SNURF: variants seen among roughly 807,000 people sequenced by gnomAD.
SNURF encodes SNURF protein.
A neutral mutation model predicts 11.6 loss-of-function variants in SNURF; 6 were observed. That is an observed-to-expected ratio of 0.52 (90% confidence interval 0.28 to 1.02). SNURF has a LOEUF of 1.02. Ranked by LOEUF, SNURF falls within the 50% of genes least tolerant of loss-of-function variation. The probability of loss-of-function intolerance (pLI) is 0.09; values close to 1 mark genes in which losing one functional copy is unlikely to be tolerated. For synonymous variants in SNURF, 29 were observed against 31.6 expected (o/e 0.92, Z 0.27); for missense variants, 84 against 88.4 (o/e 0.95, Z 0.20).
At chr15:24,959,074 C>T (rs929613332) in intron 1 of SNURF, among the ~76,000 whole-genome samples, 9 of 152,128 alleles carry the variant, frequency 5.9e-5, no homozygotes, top group South Asian at 4.2e-4. Flanking sequence ...AAATTTAGGC[C>T]GTAATAAAAT....
At chr15:24,968,166 A>T in exon 3 of SNURF, 4 of 833,286 alleles carry the variant, frequency 4.8e-6, no homozygotes, top group South Asian at 4.4e-5. Context: ...TCAGTGACAC[A>T]TTAATTTTTT....
At chr15:24,974,769 G>A in intron 3 of SNURF, 1 of 616,802 alleles carries the variant, frequency 1.6e-6, no homozygotes, top group Non-Finnish European at 2.9e-6. Flanking sequence ...GTGTTGGCCA[G>A]GCTGGTCTCA....
downstream of SNURF, chr15:24,978,195 A>G: frequency 1.9e-6 from 3 of 1,613,718 alleles, no homozygotes; most frequent in South Asian, 1.1e-5. Flanking sequence ...CACTGTAGGC[A>G]TTATGGCTCC....
At position 24,977,748 on chromosome 15, in the gene SNURF, C is replaced by G. The variant is rs760905813; in HGVS notation, c.*463-30C>G. On this transcript the variant is annotated intron_variant and NMD_transcript_variant, in intron 6 of 6. Coordinates refer to the SNURF transcript ENST00000580062. The stretch of plus-strand genomic sequence containing the variant: ...TTGAATAATGTGAAGGTTTGCATCG[C>G]TTTGACTGTTTCCCGCCCTGCCTTC... The G allele has an allele frequency of 2.6e-6, 4 of 1,560,512 alleles. No individual in the cohort carries two copies. In the African/African-American group the frequency reaches 5.5e-5, roughly 21 times the overall value.
At chr15:24,965,136 A>G (rs976338547) in intron 2 of SNURF, among the ~76,000 whole-genome samples, 2 of 152,164 alleles carry the variant, frequency 1.3e-5, no homozygotes, top group Non-Finnish European at 2.9e-5. Flanking sequence ...AGAATGTTAT[A>G]CTAGAAGTGT....
chr15:24,976,092 C>T (rs776379346), intron 4 of SNURF, among the ~76,000 whole-genome samples: 2 of 152,272 alleles, frequency 1.3e-5, no homozygotes, highest in East Asian at 3.9e-4. Context: ...AAGGAACATT[C>T]TGTAAAAGAC....
intron 1 of SNURF, among the ~76,000 whole-genome samples, chr15:24,961,435 G>T (rs932902890): frequency 6.6e-6 from 1 of 152,212 alleles, no homozygotes; most frequent in Middle Eastern, 3.4e-3. Flanking sequence ...ATCTTTAAAG[G>T]TTCATAGGTG....
At chr15:24,978,228 A>G (rs1054674412), downstream of SNURF, 4 of 1,613,862 alleles carry the variant, frequency 2.5e-6, no homozygotes, top group African/African-American at 1.3e-5. Flanking sequence ...GAGACCACCC[A>G]TGGGCCCACC....
At chr15:24,977,386 T>G (rs912226758) in intron 6 of SNURF, among the ~76,000 whole-genome samples, 1 of 151,964 alleles carries the variant, frequency 6.6e-6, no homozygotes, top group Non-Finnish European at 1.5e-5. Flanking sequence ...ACGCCTGTAA[T>G]CCAGCACTTT....
chr15:24,964,685 T>C (rs1397453995), intron 2 of SNURF, among the ~76,000 whole-genome samples: 4 of 152,092 alleles, frequency 2.6e-5, no homozygotes, highest in African/African-American at 7.2e-5. Flanking sequence ...GAGATGGTGG[T>C]GGAGGTAGGG....
At chr15:24,956,283 G>C (rs1039858978) in intron 1 of SNURF, among the ~76,000 whole-genome samples, 3 of 150,464 alleles carry the variant, frequency 2.0e-5, no homozygotes, top group African/African-American at 4.9e-5. Flanking sequence ...TCTGTGTTGC[G>C]TCACTGCCAT....
downstream of SNURF, among the ~76,000 whole-genome samples, chr15:24,971,166 A>G (rs1462787261): frequency 3.9e-5 from 6 of 152,190 alleles, no homozygotes; most frequent in Non-Finnish European, 8.8e-5. Context: ...ACAGTTTCCT[A>G]AAGTTTGAAA....
intron 2 of SNURF, among the ~76,000 whole-genome samples, chr15:24,964,000 C>G (rs1313924871): frequency 6.6e-6 from 1 of 151,918 alleles, no homozygotes; most frequent in Non-Finnish European, 1.5e-5. Context: ...CCACTGTACT[C>G]CAGTCTAGGT....
chr15:24,964,037 GAAAA>G (rs577352737), intron 2 of SNURF, among the ~76,000 whole-genome samples: 2 of 149,818 alleles, frequency 1.3e-5, no homozygotes, highest in Admixed American at 6.6e-5. Context: ...GTCTCAAAAA[GAAAA>G]AAAAAGTTGT....
intron 2 of SNURF, among the ~76,000 whole-genome samples, chr15:24,963,152 T>G (rs1301221623): frequency 4.6e-5 from 7 of 152,228 alleles, no homozygotes; most frequent in Non-Finnish European, 4.4e-5. Context: ...GCTGTCTGTA[T>G]TTTGACAATA....
At chr15:24,955,328 C>T (rs960439203) in intron 1 of SNURF, among the ~76,000 whole-genome samples, 5 of 151,950 alleles carry the variant, frequency 3.3e-5, no homozygotes, top group Admixed American at 3.3e-4. Context: ...TTGCGGGTGT[C>T]TGCGGTGGGA....
rs563893404 is a variant in SNURF at position 24,967,476 on chromosome 15, C to A, written c.111-456C>A. Reference sequence around the variant, plus strand: ...CCAACATGGTGAAACCCCATCTCTACTAAAAATACAAAAAAATTAGCCGAG... The same window carrying A: ...CCAACATGGTGAAACCCCATCTCTAATAAAAATACAAAAAAATTAGCCGAG... On this transcript the variant is annotated intron_variant, in intron 2 of 2. Coordinates refer to ENST00000577949, the Ensembl canonical transcript of SNURF. Among the ~76,000 whole-genome samples, 3 of 152,042 alleles carry A rather than the reference C, an allele frequency of 2.0e-5. No homozygotes were observed. The South Asian group carries it at 6.2e-4, about 32-fold the overall frequency.
chr15:24,977,644 A>G (rs768552185), intron 6 of SNURF: 2 of 898,042 alleles, frequency 2.2e-6, no homozygotes, highest in Non-Finnish European at 3.2e-6. Context: ...CTCAAAAAAA[A>G]ACATGGGAAT....
chr15:24,958,548 C>G (rs999880071), intron 1 of SNURF, among the ~76,000 whole-genome samples: 5 of 121,546 alleles, frequency 4.1e-5, no homozygotes, highest in African/African-American at 1.2e-4. Flanking sequence ...CCTATGTTGT[C>G]CAGGCTGAAC....
Sources: allele counts gnomAD v4.1 joint callset (sites outside exome capture counted in the v4.1 genomes callset), GRCh38; gene constraint gnomAD v4.1.1; transcripts MANE v1.5; gene names NCBI Gene and HGNC (gene_info 2026-07-23, HGNC 2026-07-21).